INTS4: variants seen among roughly 807,000 people sequenced by gnomAD.
The protein encoded by INTS4 is MSTP093.
INTS4 carries 70 observed loss-of-function variants against 119.5 expected under a neutral mutation model. The observed-to-expected ratio is 0.59, with a 90% CI of 0.48 to 0.71. The LOEUF is 0.71. Among genes scored for constraint, INTS4 ranks in the 30% least tolerant of loss-of-function variants. The pLI is 0.00. For synonymous variants in INTS4, 316 were observed against 419.6 expected, an observed-to-expected ratio of 0.75 and a Z score of 3.02; for missense variants, 867 against 1,173.2, an observed-to-expected ratio of 0.74 and a Z score of 3.81.
chr11:77,917,557 G>A (rs138234017), intron 15 of INTS4, among the ~76,000 whole-genome samples: 1 of 151,814 alleles, frequency 6.6e-6, no homozygotes, highest in African/African-American at 2.4e-5. Context: ...TGATCCTCCC[G>A]CCTCAGTCTC....
Position 77,918,997 on chromosome 11 carries a change from C to A in INTS4, c.1765-19G>T. On this transcript the variant is annotated intron_variant, in intron 14 of 22. Transcript: ENST00000534064. The stretch of plus-strand genomic sequence containing the variant: ...CTGGTAACTAAGCAGAGTGGGATTA[C>A]AGAGTCATTAAGTTTGGTGGCTCAG... 3 of 1,613,546 alleles carry A rather than the reference C, an allele frequency of 1.9e-6. No individual in the cohort carries two copies. The highest frequency in any genetic ancestry group is 2.5e-6 in the Non-Finnish European group (3 of 1,179,630).
intron 4 of INTS4, among the ~76,000 whole-genome samples, chr11:77,975,697 C>T (rs1460178644): frequency 1.3e-5 from 2 of 152,124 alleles, no homozygotes; most frequent in Non-Finnish European, 2.9e-5. Flanking sequence ...GTGGCTCACA[C>T]CTGTAATCCC....
chr11:77,965,441 G>A (rs993699653), intron 4 of INTS4, among the ~76,000 whole-genome samples: 2 of 152,054 alleles, frequency 1.3e-5, no homozygotes, highest in African/African-American at 4.8e-5. Flanking sequence ...TATTCCTCCT[G>A]TTGAGCTGAA....
chr11:77,980,598 C>G (rs1856166242), intron 3 of INTS4, among the ~76,000 whole-genome samples: 1 of 152,142 alleles, frequency 6.6e-6, no homozygotes, highest in Non-Finnish European at 1.5e-5. Flanking sequence ...AGACTGGTCT[C>G]AAATTCCTGG....
chr11:77,955,953 C>A lies in INTS4; in HGVS notation c.907G>T (p.Ala303Ser), dbSNP rs367573254. Reference protein sequence around the residue: ...DGSWVVRVQAAKLLGSMEQVS... With the variant: ...DGSWVVRVQASKLLGSMEQVS... Reference sequence around the variant, plus strand: ...AAAGTATAACTTACCAACAGTTTTGCTGCCTGAACACGAACCACCCAAGAG... The same window carrying A: ...AAAGTATAACTTACCAACAGTTTTGATGCCTGAACACGAACCACCCAAGAG... Residue 303 changes from alanine (A) to serine (S), a missense_variant, in exon 8 of 23, where the codon GCA becomes TCA. Transcript: ENST00000534064. 6.2e-7 allele frequency: 1 copy of A among 1,609,606 alleles called. No homozygotes were observed. Among genetic ancestry groups the A allele is most frequent in the African/African-American group, 1.3e-5 (1 of 74,766 alleles).
At chr11:77,884,078 C>T (rs1951894912) in intron 21 of INTS4, 126 bp from the exon 22 acceptor site, 1 of 934,704 alleles carries the variant, frequency 1.1e-6, no homozygotes, top group Admixed American at 2.3e-5. Flanking sequence ...TAAGATTGAG[C>T]CTTGGGGGTA....
intron 4 of INTS4, among the ~76,000 whole-genome samples, chr11:77,974,379 A>G (rs1855862773): frequency 6.7e-6 from 1 of 150,240 alleles, no homozygotes; most frequent in Admixed American, 6.7e-5. Flanking sequence ...AGTAGCTGGG[A>G]TTACAGGCAC....
At chr11:77,879,643 G>A (rs889901520) in intron 22 of INTS4, among the ~76,000 whole-genome samples, 1 of 152,150 alleles carries the variant, frequency 6.6e-6, no homozygotes, top group Non-Finnish European at 1.5e-5. Context: ...GACCTAAAAT[G>A]TCTGAAAACA....
intron 16 of INTS4, 73 bp from the exon 17 acceptor site, chr11:77,903,693 T>C: frequency 8.6e-7 from 1 of 1,159,456 alleles, no homozygotes; most frequent in Non-Finnish European, 1.2e-6. Context: ...GATTTACATT[T>C]TTGTTTTCCT....
intron 2 of INTS4, among the ~76,000 whole-genome samples, chr11:77,988,144 A>G (rs1295244260): frequency 6.6e-6 from 1 of 152,214 alleles, no homozygotes; most frequent in African/African-American, 2.4e-5. Context: ...ATGTCCCTTC[A>G]ATGTTCCTAG....
chr11:77,955,367 G>A (rs1954292974), intron 8 of INTS4, among the ~76,000 whole-genome samples: 3 of 151,982 alleles, frequency 2.0e-5, no homozygotes, highest in Admixed American at 2.0e-4. Flanking sequence ...AAATTCTGGG[G>A]TTTTAAATTC....
intron 1 of INTS4, among the ~76,000 whole-genome samples, chr11:77,993,533 G>T (rs2136676726): frequency 6.6e-6 from 1 of 152,342 alleles, no homozygotes; most frequent in Middle Eastern, 3.4e-3. Context: ...AGAATGTTGG[G>T]AAGAGAGGAA....
At chr11:77,987,891 C>T (rs1167777816) in intron 2 of INTS4, among the ~76,000 whole-genome samples, 2 of 151,992 alleles carry the variant, frequency 1.3e-5, no homozygotes, top group African/African-American at 4.8e-5. Context: ...CACAGTGGTT[C>T]ATGCCTGTAA....
intron 10 of INTS4, among the ~76,000 whole-genome samples, chr11:77,933,367 C>T (rs1427686741): frequency 2.0e-5 from 3 of 147,008 alleles, no homozygotes; most frequent in South Asian, 2.2e-4. Context: ...GGATTGCAGG[C>T]GCGCGCCGCC....
intron 15 of INTS4, among the ~76,000 whole-genome samples, chr11:77,913,780 G>C (rs1953142892): frequency 2.0e-5 from 3 of 152,150 alleles, no homozygotes; most frequent in African/African-American, 7.2e-5. Context: ...GGGTTAAATG[G>C]CTGTTTGGAT....
At chr11:77,879,890 G>C (rs1304736286) in intron 22 of INTS4, among the ~76,000 whole-genome samples, 2 of 152,070 alleles carry the variant, frequency 1.3e-5, no homozygotes, top group Non-Finnish European at 2.9e-5. Context: ...AACCCCAAGA[G>C]TTCTTATCCT....
chr11:77,943,944 G>A (rs2136534700), intron 8 of INTS4, among the ~76,000 whole-genome samples: 1 of 152,316 alleles, frequency 6.6e-6, no homozygotes, highest in Admixed American at 6.5e-5. Flanking sequence ...GTCATGGGCA[G>A]ACTTACAGGC....
intron 15 of INTS4, chr11:77,918,088 C>A (rs1565242922): frequency 2.9e-6 from 2 of 684,132 alleles, no homozygotes; most frequent in Non-Finnish European, 5.3e-6. Flanking sequence ...ACAGTTAGAT[C>A]TGAATTGTTA....
chr11:77,876,914 C>T (rs1340686483), downstream of INTS4: 2 of 701,488 alleles, frequency 2.9e-6, no homozygotes, highest in South Asian at 3.0e-5. Flanking sequence ...ACGATGGGCT[C>T]AGGCAGCAGC....
Sources: gnomAD v4.1 joint callset for allele counts (sites outside exome capture counted in the v4.1 genomes callset) on GRCh38, gnomAD v4.1.1 for gene constraint, MANE v1.5 for transcripts, NCBI Gene and HGNC (gene_info 2026-07-23, HGNC 2026-07-21) for gene names.